WDPCP: variants seen among roughly 807,000 people sequenced by gnomAD.
The protein encoded by WDPCP is WD repeat-containing and planar cell polarity effector protein fritz homolog.
A neutral mutation model predicts 93.1 loss-of-function variants in WDPCP; 71 were observed. That is an observed-to-expected ratio of 0.76 (90% confidence interval 0.63 to 0.93). The LOEUF is 0.93. Among genes scored for constraint, WDPCP ranks in the 40% least tolerant of loss-of-function variants. The pLI, the probability that WDPCP is intolerant of heterozygous loss-of-function variation, is 0.00. For missense variants in WDPCP, 844 were observed against 887.4 expected (o/e 0.95, Z 0.62); for synonymous variants, 315 against 315.0 (o/e 1.00, Z 0.00).
chr2:63,154,667 G>A (rs1483015564), intron 15 of WDPCP, among the ~76,000 whole-genome samples: 8 of 152,118 alleles, frequency 5.3e-5, no homozygotes, highest in Admixed American at 3.9e-4. Context: ...TAATGGGATT[G>A]TTGAATCATA....
intron 3 of WDPCP, among the ~76,000 whole-genome samples, chr2:63,633,867 G>C (rs1160395866): frequency 6.6e-6 from 1 of 152,108 alleles, no homozygotes; most frequent in Non-Finnish European, 1.5e-5. Flanking sequence ...TTCCAGATCA[G>C]CCTGGCCAAC....
chr2:63,835,382 T>C, the WDPCP span, among the ~76,000 whole-genome samples: 1 of 112,932 alleles, frequency 8.9e-6, no homozygotes, highest in Admixed American at 1.2e-4. Flanking sequence ...AGAGCGAGAC[T>C]CCATCTCAAA....
chr2:63,633,418 A>G (rs1709885255), intron 3 of WDPCP, among the ~76,000 whole-genome samples: 2 of 152,218 alleles, frequency 1.3e-5, no homozygotes, highest in African/African-American at 4.8e-5. Flanking sequence ...TACATAATAT[A>G]AAAACAAAAA....
At chr2:63,248,734 T>C (rs567144211) in intron 14 of WDPCP, among the ~76,000 whole-genome samples, 5 of 152,266 alleles carry the variant, frequency 3.3e-5, no homozygotes, top group African/African-American at 1.2e-4. Flanking sequence ...GTCCTTAGAA[T>C]TGATAATTTC....
chr2:63,604,701 T>C, intron 3 of WDPCP: 1 of 1,613,148 alleles, frequency 6.2e-7, no homozygotes, highest in Admixed American at 1.7e-5. Context: ...ACTAGATTGC[T>C]CTTAAACTTG....
chr2:63,671,712 C>T (rs1351509785), intron 2 of WDPCP, among the ~76,000 whole-genome samples: 4 of 152,046 alleles, frequency 2.6e-5, no homozygotes, highest in Non-Finnish European at 5.9e-5. Context: ...CACACCCCGC[C>T]AATCTTTGCA....
chr2:63,244,137 G>A (rs554562542), intron 14 of WDPCP, among the ~76,000 whole-genome samples: 1 of 152,018 alleles, frequency 6.6e-6, no homozygotes, highest in South Asian at 2.1e-4. Context: ...ATTATTTTGG[G>A]CATTAAGGCA....
intron 2 of WDPCP, among the ~76,000 whole-genome samples, chr2:63,788,945 C>T (rs2103995515): frequency 6.6e-6 from 1 of 152,290 alleles, no homozygotes; most frequent in Non-Finnish European, 1.5e-5. Context: ...TAGATCCTCA[C>T]TATGCTGCCC....
chr2:63,182,945 G>A (rs1674361944), intron 14 of WDPCP, among the ~76,000 whole-genome samples: 1 of 151,696 alleles, frequency 6.6e-6, no homozygotes, highest in Admixed American at 6.6e-5. Flanking sequence ...GGTGTTCATG[G>A]TAGTCTTTGA....
chr2:63,164,392 T>C (rs1357638070), intron 15 of WDPCP, among the ~76,000 whole-genome samples: 1 of 152,138 alleles, frequency 6.6e-6, no homozygotes, highest in Non-Finnish European at 1.5e-5. Context: ...ATGAATGGCT[T>C]AGCACTGTCC....
chr2:63,807,829 T>C (rs778183741), intron 2 of WDPCP, among the ~76,000 whole-genome samples: 6 of 152,346 alleles, frequency 3.9e-5, no homozygotes, highest in Admixed American at 6.5e-5. Flanking sequence ...AGATTAAAAC[T>C]GAGTTTTGCT....
At chr2:63,595,688 G>A (rs770061687) in intron 3 of WDPCP, among the ~76,000 whole-genome samples, 4 of 152,168 alleles carry the variant, frequency 2.6e-5, no homozygotes, top group Non-Finnish European at 4.4e-5. Flanking sequence ...ATAAATAAGG[G>A]TAAGAAATGA....
At position 63,251,197 on chromosome 2, in the gene WDPCP, A is replaced by G. The variant is rs577079761; in HGVS notation, c.1915+8110T>C. Among the ~76,000 whole-genome samples the G allele has an allele frequency of 6.6e-5, 10 of 152,324 alleles. No individual in the cohort carries two copies. In the East Asian group the frequency reaches 1.9e-3, roughly 29 times the overall value. On this transcript the variant is annotated intron_variant, in intron 14 of 17. Coordinates refer to ENST00000272321, the MANE Select transcript of WDPCP (RefSeq NM_015910.7). The stretch of plus-strand genomic sequence containing the variant: ...CGACACCAAAAGTTTATACTTTGAA[A>G]GGATAAACAGGTATGATAGACCACT...
chr2:63,674,177 G>A (rs1178567508), intron 2 of WDPCP, among the ~76,000 whole-genome samples: 1 of 152,164 alleles, frequency 6.6e-6, no homozygotes, highest in Non-Finnish European at 1.5e-5. Context: ...AGAACAATGC[G>A]ATTGATTTTA....
At chr2:63,657,418 G>A (rs564318582) in intron 2 of WDPCP, among the ~76,000 whole-genome samples, 8 of 151,972 alleles carry the variant, frequency 5.3e-5, no homozygotes, top group East Asian at 3.9e-4. Flanking sequence ...GTGTTAGCCC[G>A]GATGGTCTCG....
intron 13 of WDPCP, among the ~76,000 whole-genome samples, chr2:63,292,545 C>A (rs1036906538): frequency 6.6e-6 from 1 of 152,074 alleles, no homozygotes; most frequent in Non-Finnish European, 1.5e-5. Flanking sequence ...TCCATTTAGC[C>A]CTTAATCTCA....
chr2:63,324,275 C>T (rs1687351941), intron 12 of WDPCP, among the ~76,000 whole-genome samples: 1 of 152,120 alleles, frequency 6.6e-6, no homozygotes, highest in Non-Finnish European at 1.5e-5. Context: ...CCAGGAGGAC[C>T]TTTCAGCTTA....
chr2:63,180,753 C>G (rs1193969783), intron 14 of WDPCP, among the ~76,000 whole-genome samples: 1 of 152,106 alleles, frequency 6.6e-6, no homozygotes, highest in Non-Finnish European at 1.5e-5. Context: ...TGAGAAATCT[C>G]CATACGGTTT....
intron 14 of WDPCP, among the ~76,000 whole-genome samples, chr2:63,234,164 A>G (rs1679172806): frequency 6.6e-6 from 1 of 152,182 alleles, no homozygotes; most frequent in African/African-American, 2.4e-5. Context: ...CAATACCTAG[A>G]TTCTGGCTCT....
Sources: gnomAD v4.1 joint callset for allele counts (sites outside exome capture counted in the v4.1 genomes callset) on GRCh38, gnomAD v4.1.1 for gene constraint, MANE v1.5 for transcripts, NCBI Gene and HGNC (gene_info 2026-07-23, HGNC 2026-07-21) for gene names.